Variants in DLGAP1 observed in about 807,000 individuals in gnomAD.
DLGAP1 encodes DLG associated protein 1, also known as disks large-associated protein 1.
In DLGAP1, 11 loss-of-function variants were observed where a neutral mutation model predicts 90.8. The observed-to-expected ratio is 0.12, with a 90% CI of 0.08 to 0.20. The LOEUF (loss-of-function observed/expected upper bound fraction) is 0.20. Among genes scored for constraint, DLGAP1 ranks in the 10% least tolerant of loss-of-function variants. The probability of loss-of-function intolerance (pLI) is 1.00; values close to 1 mark genes in which losing one functional copy is unlikely to be tolerated. For missense variants in DLGAP1, 1,050 were observed against 1,333.8 expected (o/e 0.79, Z 3.31); for synonymous variants, 558 against 540.7 (o/e 1.03, Z -0.44).
chr18:3,513,057 C>T (rs976892311), intron 10 of DLGAP1, among the ~76,000 whole-genome samples: 1 of 152,150 alleles, frequency 6.6e-6, no homozygotes, highest in South Asian at 2.1e-4. Flanking sequence ...TGGCACCCAC[C>T]GTTCCACTCT....
chr18:3,831,336 C>CTT lies in DLGAP1; in HGVS notation c.958-17065_958-17064dup, dbSNP rs561189447. 2.0e-5 allele frequency among the ~76,000 whole-genome samples: 3 copies of CTT among 148,922 alleles called. No individual in the cohort carries two copies. In the Admixed American group the frequency reaches 2.0e-4, roughly 10 times the overall value. ...AAGCACATTTTATGGATCACCAATCCTTTTTTTTTTAATACTTTAAGTTCT... is the reference window on the plus strand; with the variant it reads ...AAGCACATTTTATGGATCACCAATCCTTTTTTTTTTTTAATACTTTAAGTTCT... On this transcript the variant is annotated intron_variant, in intron 4 of 12. Transcript: ENST00000315677.
intron 9 of DLGAP1, among the ~76,000 whole-genome samples, chr18:3,557,118 G>T (rs192342122): frequency 1.3e-5 from 2 of 152,168 alleles, no homozygotes; most frequent in African/African-American, 4.8e-5. Context: ...GTGTCCTATG[G>T]TGGAAGCTTA....
rs765360877 is a variant in DLGAP1 at position 3,879,429 on chromosome 18, T to A, written c.640A>T (p.Ile214Phe). ...SDDNLDGDMC[I>F]YHAPSGVMTM... ...ATCACGCCCGAGGGGGCGTGGTAGA[T>A]GCACATGTCACCATCCAGGTTGTCG... Residue 214 changes from isoleucine (I) to phenylalanine (F), a missense_variant, in exon 4 of 13, where the codon ATC (isoleucine) becomes TTC (phenylalanine). Physicochemically the swap from Ile to Phe is conservative, Grantham distance 21 (BLOSUM62 0). Transcript: ENST00000315677. This position sits in a 1 kb window ranked among gnomAD's most constrained non-coding sequence, Gnocchi z 6.6. 55 of 1,609,744 alleles carry A rather than the reference T, an allele frequency of 3.4e-5. No homozygotes were observed. The highest frequency in any genetic ancestry group is 2.3e-4 in the Admixed American group (14 of 60,006).
chr18:3,589,653 C>T (rs775091234), intron 7 of DLGAP1, among the ~76,000 whole-genome samples: 16 of 152,248 alleles, frequency 1.1e-4, no homozygotes, highest in South Asian at 2.1e-4. Flanking sequence ...TACCCCAAGG[C>T]GTTGTTATTA....
rs1265675474 is a variant in DLGAP1 at position 3,682,129 on chromosome 18, AAT to A, written c.1591+47004_1591+47005del. Among the ~76,000 whole-genome samples the A allele has an allele frequency of 1.4e-3, 161 of 114,730 alleles. 2 individuals are homozygous for A. Among genetic ancestry groups the A allele is most frequent in the African/African-American group, 7.4e-3 (149 of 20,240 alleles). The allele number at this position is 114,730 out of a possible 152,430, so 75.3% of individuals were successfully genotyped here. Reference sequence around the variant, plus strand: ...GAGACCCTGTCTCAAAAAAAAAAAAAATAAAAAAAAATAAAAATAACGAACGA... The same window carrying A: ...GAGACCCTGTCTCAAAAAAAAAAAAAAAAAAAAAATAAAAATAACGAACGA... On this transcript the variant is annotated intron_variant, in intron 7 of 12. Transcript: ENST00000315677.
chr18:3,506,373 TG>T (rs2050217133), intron 11 of DLGAP1, among the ~76,000 whole-genome samples: 1 of 151,342 alleles, frequency 6.6e-6, no homozygotes, highest in Non-Finnish European at 1.5e-5. Flanking sequence ...ATTGGCCGGC[TG>T]TGGTGGCGCA....
At chr18:3,568,889 T>G (rs1458022382) in intron 8 of DLGAP1, among the ~76,000 whole-genome samples, 1 of 151,790 alleles carries the variant, frequency 6.6e-6, no homozygotes, top group African/African-American at 2.4e-5. Flanking sequence ...GGTTTCACTG[T>G]GTTAGCCAGG....
intron 4 of DLGAP1, chr18:3,822,024 G>GA (rs34207365): frequency 0.21 from 134,372 of 640,620 alleles, 948 homozygotes; most frequent in African/African-American, 0.28. Context: ...AGCAAAAACA[G>GA]AAAAAAAAAA....
chr18:3,561,436 CAA>C (rs68086553), intron 9 of DLGAP1, among the ~76,000 whole-genome samples: 17,161 of 75,164 alleles, frequency 0.23, 971 homozygotes, highest in African/African-American at 0.33. Flanking sequence ...ACTCCATCTC[CAA>C]AAAAAAAAAA....
At chr18:4,339,424 CAT>C (rs1255756758) in intron 1 of DLGAP1, among the ~76,000 whole-genome samples, 1 of 152,122 alleles carries the variant, frequency 6.6e-6, no homozygotes, top group Non-Finnish European at 1.5e-5. Context: ...CCACCATGCA[CAT>C]GTTTTCCTAT....
chr18:3,891,819 A>G (rs2071467612), intron 3 of DLGAP1: 1 of 152,116 alleles, frequency 6.6e-6, no homozygotes, highest in Non-Finnish European at 1.5e-5. Context: ...GCCCAGGATT[A>G]TAGCTCACTG....
chr18:3,531,900 G>C (rs368118918), intron 10 of DLGAP1, among the ~76,000 whole-genome samples: 59 of 152,200 alleles, frequency 3.9e-4, no homozygotes, highest in African/African-American at 1.4e-3. Flanking sequence ...CTGTTGCCTA[G>C]GCTAGAGTGC....
At chr18:3,635,266 G>A (rs1171656359) in intron 7 of DLGAP1, among the ~76,000 whole-genome samples, 3 of 152,056 alleles carry the variant, frequency 2.0e-5, no homozygotes, top group Non-Finnish European at 4.4e-5. Context: ...GAGTAGCTGG[G>A]ACTACAGGCG....
chr18:3,836,223 T>C (rs889475127), intron 4 of DLGAP1, among the ~76,000 whole-genome samples: 2 of 152,136 alleles, frequency 1.3e-5, no homozygotes, highest in Non-Finnish European at 2.9e-5. Context: ...TGGCAAAGGA[T>C]GATGACACCA....
At chr18:4,026,152 A>G (rs1349633902) in intron 2 of DLGAP1, among the ~76,000 whole-genome samples, 1 of 152,216 alleles carries the variant, frequency 6.6e-6, no homozygotes, top group African/African-American at 2.4e-5. Flanking sequence ...GACCTCTGTC[A>G]TCTACACACA....
intron 1 of DLGAP1, among the ~76,000 whole-genome samples, chr18:4,196,279 A>C (rs915833831): frequency 6.6e-6 from 1 of 152,172 alleles, no homozygotes; most frequent in African/African-American, 2.4e-5. Context: ...TAGGTAAGAG[A>C]ACATAAGGGT....
At chr18:4,263,136 G>A (rs1598751267) in intron 1 of DLGAP1, among the ~76,000 whole-genome samples, 2 of 152,182 alleles carry the variant, frequency 1.3e-5, no homozygotes, top group South Asian at 4.1e-4. Flanking sequence ...GTTTCTTCAT[G>A]TTGGCCAGGA....
chr18:3,833,085 G>A (rs1012752555), intron 4 of DLGAP1, among the ~76,000 whole-genome samples: 1 of 151,902 alleles, frequency 6.6e-6, no homozygotes, highest in African/African-American at 2.4e-5. Flanking sequence ...CTATTACATT[G>A]GTGGTGTAAT....
chr18:3,721,582 G>A, intron 7 of DLGAP1: 1 of 152,034 alleles, frequency 6.6e-6, no homozygotes, highest in East Asian at 1.9e-4. Flanking sequence ...TCAATAATAT[G>A]TGAACAAATG....
Sources: gnomAD v4.1 joint callset for allele counts (sites outside exome capture counted in the v4.1 genomes callset) on GRCh38, gnomAD v4.1.1 for gene constraint, Gnocchi (gnomAD v3.1) non-coding constraint, MANE v1.5 for transcripts, NCBI Gene and HGNC (gene_info 2026-07-23, HGNC 2026-07-21) for gene names.